The following TBL2 variants were observed in gnomAD, a reference collection of about 807,000 sequenced individuals.
The protein encoded by TBL2 is transducin beta-like protein 2.
TBL2 carries 33 observed loss-of-function variants against 41.8 expected under a neutral mutation model. That is an observed-to-expected ratio of 0.79 (90% CI 0.60 to 1.06). The LOEUF (loss-of-function observed/expected upper bound fraction) is 1.06. TBL2 is among the 50% of genes least tolerant of loss of function. TBL2 has a pLI of 0.00. For missense variants in TBL2, 522 were observed against 603.8 expected, an observed-to-expected ratio of 0.86 and a Z score of 1.42; for synonymous variants, 239 against 241.7, an observed-to-expected ratio of 0.99 and a Z score of 0.10.
rs782423703 is a variant in TBL2 at position 73,578,558 on chromosome 7, A to C, written c.-9T>G. ...ATCTGCGAGAGCTCCATGTTGGTGG[A>C]ACCACTGCCACCTCAGCTAGTGAGT... On this transcript the variant is annotated 5_prime_UTR_variant, in exon 1 of 7. Transcript: ENST00000305632. 1.9e-6 allele frequency: 3 copies of C among 1,587,512 alleles called. No homozygotes were observed. The highest frequency in any genetic ancestry group is 2.6e-6 in the Non-Finnish European group (3 of 1,169,320).
intron 4 of TBL2, 79 bp downstream of exon 4, chr7:73,573,241 A>G: frequency 1.3e-6 from 2 of 1,565,280 alleles, no homozygotes; most frequent in Non-Finnish European, 1.7e-6. Flanking sequence ...ACTTTCAGGC[A>G]GCATTAACTC....
intron 1 of TBL2, chr7:73,578,088 A>G (rs1793451826): frequency 1.6e-6 from 1 of 622,448 alleles, no homozygotes; most frequent in South Asian, 2.1e-5. Flanking sequence ...TGCACATCAC[A>G]GAATTGGTGC....
Position 73,573,446 on chromosome 7 carries a change from C to T in TBL2, c.472G>A (p.Gly158Arg), listed in dbSNP as rs375440560. ...ATCTTGAAGACACGGAGGGTGTCCC[C>T]GTTGGCCAGCCAGACGATGAAGGCT... ...CRAFIVWLAN[G>R]DTLRVFKMTK... Residue 158 changes from glycine to arginine, a missense_variant, in exon 4 of 7, where the codon GGG becomes AGG. Coordinates refer to ENST00000305632, the MANE Select transcript of TBL2 (RefSeq NM_012453.4). 21 of 1,614,048 alleles carry T rather than the reference C, an allele frequency of 1.3e-5. No homozygotes were observed. The South Asian group carries it at 1.3e-4, about 10-fold the overall frequency.
At chr7:73,572,233 G>C (rs1554587779) in intron 5 of TBL2, among the ~76,000 whole-genome samples, 2 of 151,988 alleles carry the variant, frequency 1.3e-5, no homozygotes, top group South Asian at 4.2e-4. Context: ...AGGATCACTT[G>C]AGGCCAGGAG....
rs373813008 is a variant in TBL2 at position 73,573,018 on chromosome 7, C to G, written c.599-48G>C. 2.5e-6 allele frequency: 4 copies of G among 1,611,650 alleles called. No individual in the cohort carries two copies. In the African/African-American group the frequency reaches 5.3e-5, roughly 22 times the overall value. ...GGGTCACGGGCAGTGACCTGACCAA[C>G]TGTCACTCTCCAAAGACACTTACAA... On this transcript the variant is annotated intron_variant, in intron 4 of 6. Transcript: ENST00000305632.
chr7:73,575,444 C>A (rs1793247867), intron 1 of TBL2, among the ~76,000 whole-genome samples: 1 of 152,148 alleles, frequency 6.6e-6, no homozygotes, highest in Non-Finnish European at 1.5e-5. Context: ...GCGCCCGCCA[C>A]CATGCCCGGC....
In TBL2 at chr7:73,569,443, A is replaced by G. The variant is rs1256644829; in HGVS notation, c.*1064T>C. On this transcript the variant is annotated 3_prime_UTR_variant, in exon 7 of 7. Transcript: ENST00000305632. ...ATACCTCATTTCCCTTACCTGCCACACCCACGCAGCCTTCAAATTCACAAA... is the reference window on the plus strand; with the variant it reads ...ATACCTCATTTCCCTTACCTGCCACGCCCACGCAGCCTTCAAATTCACAAA... 2 of 152,166 alleles carry G rather than the reference A, an allele frequency of 1.3e-5. No homozygotes were observed. The highest frequency in any genetic ancestry group is 2.9e-5 in the Non-Finnish European group (2 of 68,030). The allele number at this position is 152,166 out of a possible 1,614,324, so 9.4% of individuals were successfully genotyped here.
At position 73,571,251 on chromosome 7, in the gene TBL2, G is replaced by A; in HGVS notation, c.816C>T (p.Ala272=). The change falls in exon 6 of 7, where the codon GCC becomes GCT. Residue 272 remains alanine, a synonymous_variant. Transcript: ENST00000305632. ...CCGCGGAGTGGCCCTTTAGTTCGAA[G>A]GCTCGCACCACCTCCTGGAACTCCC... ...KKGEFQEVVR[A]FELKGHSAAV... 1 of 1,614,214 alleles carries A rather than the reference G, an allele frequency of 6.2e-7. No homozygotes were observed. Among genetic ancestry groups the A allele is most frequent in the Non-Finnish European group, 8.5e-7 (1 of 1,180,044 alleles).
intron 1 of TBL2, chr7:73,576,520 C>G (rs1457203375): frequency 4.6e-6 from 2 of 434,100 alleles, no homozygotes; most frequent in Non-Finnish European, 9.4e-6. Flanking sequence ...AAGCCAAGAT[C>G]GCACCACTGC....
At chr7:73,574,774 T>C in intron 1 of TBL2, 1 of 566,666 alleles carries the variant, frequency 1.8e-6, no homozygotes, top group Non-Finnish European at 3.2e-6. Flanking sequence ...ACAACACTAC[T>C]GCATTCCATC....
chr7:73,570,877 C>T lies in TBL2; in HGVS notation c.974G>A (p.Arg325His), dbSNP rs539449965. The change falls in exon 7 of 7, where the codon CGC (arginine) becomes CAC (histidine). Residue 325 changes from arginine to histidine, a missense_variant. Transcript: ENST00000305632. ...KQDPYLLKTG[R>H]FEEAAGAAPC... Reference sequence around the variant, plus strand: ...CGCGGCACCCGCCGCCTCTTCAAAGCGGCCTGTCTTCAGCAAGTAGGGGTC... The same window carrying T: ...CGCGGCACCCGCCGCCTCTTCAAAGTGGCCTGTCTTCAGCAAGTAGGGGTC... The T allele has an allele frequency of 1.5e-4, 242 of 1,613,896 alleles. 5 individuals carry two copies. In the South Asian group the frequency reaches 2.5e-3, roughly 17 times the overall value.
At chr7:73,573,787 G>A in intron 3 of TBL2, 151 bp downstream of exon 3, 2 of 969,370 alleles carry the variant, frequency 2.1e-6, no homozygotes, top group South Asian at 1.7e-5. Context: ...GGGAGCCCCA[G>A]GCAGCGCGCA....
At chr7:73,575,452 G>A (rs892171687) in intron 1 of TBL2, among the ~76,000 whole-genome samples, 5 of 152,024 alleles carry the variant, frequency 3.3e-5, no homozygotes, top group African/African-American at 4.8e-5. Flanking sequence ...CACCATGCCC[G>A]GCTAATTTTT....
In TBL2 at chr7:73,578,551, T is replaced by C; in HGVS notation, c.-2A>G. 6.3e-7 allele frequency: 1 copy of C among 1,590,014 alleles called. No individual in the cohort carries two copies. The highest frequency in any genetic ancestry group is 8.5e-7 in the Non-Finnish European group (1 of 1,170,332). On this transcript the variant is annotated 5_prime_UTR_variant, in exon 1 of 7. Coordinates refer to ENST00000305632, the MANE Select transcript of TBL2 (RefSeq NM_012453.4). ...CTCCGACATCTGCGAGAGCTCCATG[T>C]TGGTGGAACCACTGCCACCTCAGCT...
intron 3 of TBL2, 30 bp downstream of exon 3, chr7:73,573,908 A>G: frequency 6.2e-7 from 1 of 1,608,362 alleles, no homozygotes; most frequent in Non-Finnish European, 8.5e-7. Context: ...AGGCCTCTGC[A>G]GGCAAACCTG....
intron 1 of TBL2, among the ~76,000 whole-genome samples, chr7:73,574,999 C>T (rs568608161): frequency 7.2e-5 from 11 of 152,260 alleles, no homozygotes; most frequent in African/African-American, 2.2e-4. Flanking sequence ...GTACACAGCA[C>T]GGCCAGTGGA....
intron 2 of TBL2, 71 bp from the exon 3 acceptor site, chr7:73,574,193 GGGAGATGGGGCCCTGT>G: frequency 6.3e-7 from 1 of 1,578,242 alleles, no homozygotes; most frequent in Non-Finnish European, 8.6e-7. Flanking sequence ...CCTGGAGCCG[GGGAGATGGGGCCCTGT>G]GGCCTGGATT....
chr7:73,574,318 A>C, intron 2 of TBL2, 65 bp downstream of exon 2: 1 of 1,599,930 alleles, frequency 6.3e-7, no homozygotes, highest in Non-Finnish European at 8.5e-7. Flanking sequence ...TGCATGGAAT[A>C]CTCCAGAGGA....
chr7:73,578,474 C>T lies in TBL2; in HGVS notation c.76G>A (p.Ala26Thr). The change falls in exon 1 of 7, where the codon GCG (alanine) becomes ACG (threonine). Residue 26 changes from alanine (A) to threonine (T), a missense_variant. Coordinates refer to ENST00000305632, the MANE Select transcript of TBL2 (RefSeq NM_012453.4). ...LGLLALMATA[A>T]VARGWLRAGE... ...GCGCGCAGCCACCCCCGCGCTACCG[C>T]CGCCGTCGCCATCAGGGCCAGCAGC... 1.3e-6 allele frequency: 2 copies of T among 1,573,776 alleles called. No homozygotes were observed. Among genetic ancestry groups the T allele is most frequent in the Non-Finnish European group, 1.7e-6 (2 of 1,163,334 alleles).
Sources: gnomAD v4.1 joint callset for allele counts (sites outside exome capture counted in the v4.1 genomes callset) on GRCh38, gnomAD v4.1.1 for gene constraint, MANE v1.5 for transcripts, NCBI Gene and HGNC (gene_info 2026-07-23, HGNC 2026-07-21) for gene names.